IGSF23: variants seen among roughly 807,000 people sequenced by gnomAD.
IGSF23 encodes immunoglobulin superfamily member 23, also known as immunoglobulin superfamily, member 23.
A neutral mutation model predicts 17.8 loss-of-function variants in IGSF23; 14 were observed. That is an observed-to-expected ratio of 0.79 (90% CI 0.52 to 1.23). The LOEUF is 1.23. IGSF23 is among the 50% of genes most tolerant of loss of function. IGSF23 has a pLI of 0.00. For missense variants in IGSF23, 214 were observed against 241.7 expected (o/e 0.89, Z 0.76); for synonymous variants, 85 against 92.5 (o/e 0.92, Z 0.46).
chr19:44,626,126 G>A (rs1281807576), intron 2 of IGSF23, among the ~76,000 whole-genome samples: 1 of 152,094 alleles, frequency 6.6e-6, no homozygotes, highest in African/African-American at 2.4e-5. Flanking sequence ...GAGAAGAGAG[G>A]GAGGGTATTT....
At position 44,623,989 on chromosome 19, in the gene IGSF23, A is replaced by ACG; in HGVS notation, c.391+18_391+19insGC. 2 of 1,512,332 alleles carry ACG rather than the reference A, an allele frequency of 1.3e-6. No individual in the cohort carries two copies. Among genetic ancestry groups the ACG allele is most frequent in the Non-Finnish European group, 1.8e-6 (2 of 1,130,336 alleles). The allele number at this position is 1,512,332 out of a possible 1,614,324, so 93.7% of individuals were successfully genotyped here. On this transcript the variant is annotated intron_variant, in intron 2 of 4. Coordinates refer to ENST00000402988, the MANE Select transcript of IGSF23 (RefSeq NM_001205280.2). ...CGCTGCCAAGTGAGTCCCCCATTCC[A>ACG]CCCCACCCCACCCCACCCAAGAGCC...
intron 1 of IGSF23, 61 bp downstream of exon 1, chr19:44,613,831 G>T: frequency 6.5e-7 from 1 of 1,547,860 alleles, no homozygotes; most frequent in Non-Finnish European, 8.7e-7. Flanking sequence ...GGTCCTGCAG[G>T]GTGAGGCCGG....
intron 1 of IGSF23, chr19:44,613,976 A>C: frequency 6.5e-7 from 1 of 1,536,156 alleles, no homozygotes; most frequent in Admixed American, 2.0e-5. Context: ...TACCTGGAGG[A>C]AGCTGCTTTT....
At chr19:44,632,834 C>A (rs1395400249) in intron 3 of IGSF23, among the ~76,000 whole-genome samples, 1 of 152,206 alleles carries the variant, frequency 6.6e-6, no homozygotes, top group Non-Finnish European at 1.5e-5. Context: ...TATGGGCTGT[C>A]CCATAATCCC....
chr19:44,635,370 CT>C, intron 3 of IGSF23, 30 bp from the exon 4 acceptor site: 1 of 898,594 alleles, frequency 1.1e-6, no homozygotes, highest in Non-Finnish European at 1.4e-6. Context: ...CTCTCTCTCT[CT>C]CTCTGTCTCT....
intron 3 of IGSF23, among the ~76,000 whole-genome samples, chr19:44,629,505 C>T (rs188980959): frequency 6.6e-5 from 10 of 151,902 alleles, no homozygotes; most frequent in African/African-American, 1.7e-4. Flanking sequence ...GAGGCTGCAG[C>T]GAGCGATGAT....
chr19:44,629,395 TA>T (rs1463869160), intron 3 of IGSF23, among the ~76,000 whole-genome samples: 10 of 150,374 alleles, frequency 6.7e-5, no homozygotes, highest in African/African-American at 2.4e-4. Context: ...CTACCAAAAC[TA>T]AAGTTTTTTT....
chr19:44,617,622 C>T (rs1972413351), intron 1 of IGSF23, among the ~76,000 whole-genome samples: 1 of 151,992 alleles, frequency 6.6e-6, no homozygotes, highest in Admixed American at 6.6e-5. Context: ...ATTATGTCAC[C>T]CTTTAAAAAT....
chr19:44,614,139 G>GGCCACTCC, intron 1 of IGSF23: 1 of 497,332 alleles, frequency 2.0e-6, no homozygotes, highest in Non-Finnish European at 3.6e-6. Context: ...AACTCTTGAA[G>GGCCACTCC]GCCACTCCGC....
At chr19:44,621,055 G>C (rs1972507317) in intron 1 of IGSF23, among the ~76,000 whole-genome samples, 1 of 152,116 alleles carries the variant, frequency 6.6e-6, no homozygotes, top group Non-Finnish European at 1.5e-5. Context: ...GCCGAGGTGA[G>C]AGGATTGCTT....
At chr19:44,633,048 A>C (rs1599745198) in intron 3 of IGSF23, among the ~76,000 whole-genome samples, 2 of 152,222 alleles carry the variant, frequency 1.3e-5, no homozygotes, top group Admixed American at 1.3e-4. Flanking sequence ...GGAAAACTTT[A>C]CCTTTCAAGC....
At chr19:44,622,091 G>A (rs1002059530) in intron 1 of IGSF23, among the ~76,000 whole-genome samples, 2 of 151,994 alleles carry the variant, frequency 1.3e-5, no homozygotes, top group African/African-American at 2.4e-5. Flanking sequence ...ATGTGGTGGC[G>A]GGTGCCTATA....
At chr19:44,631,677 T>A (rs968054545) in intron 3 of IGSF23, among the ~76,000 whole-genome samples, 1 of 152,228 alleles carries the variant, frequency 6.6e-6, no homozygotes. Flanking sequence ...TTTCTATAGA[T>A]TTTAGATTAA....
chr19:44,627,503 CT>C lies in IGSF23; in HGVS notation c.477del (p.Ala160ArgfsTer10). 2 of 1,550,532 alleles carry C rather than the reference CT, an allele frequency of 1.3e-6. No individual in the cohort carries two copies. ...SLSGGSAIGL[L>X]AAGILGAGAL... is the part of the protein sequence containing the mutation. ...GTCAGGAGGCTCTGCCATCGGGCTC[CT>C]TGCGGCTGGGATCCTGGGAGCCGGG... On this transcript the variant is annotated frameshift_variant, in exon 3 of 5. Coordinates refer to ENST00000402988, the MANE Select transcript of IGSF23 (RefSeq NM_001205280.2). LOFTEE classifies it high-confidence loss of function.
intron 1 of IGSF23, among the ~76,000 whole-genome samples, chr19:44,615,969 T>A (rs1167778486): frequency 6.6e-6 from 1 of 152,204 alleles, no homozygotes; most frequent in East Asian, 1.9e-4. Flanking sequence ...GCAACCAGTT[T>A]TTAGAAAGTG....
intron 3 of IGSF23, among the ~76,000 whole-genome samples, chr19:44,634,207 G>A (rs754667425): frequency 6.6e-6 from 1 of 152,174 alleles, no homozygotes; most frequent in Non-Finnish European, 1.5e-5. Context: ...TTTGGAATGG[G>A]GCCCAGGACA....
rs772216333 is a variant in IGSF23 at position 44,623,880 on chromosome 19, G to A, written c.299G>A (p.Arg100Gln). Residue 100 changes from arginine (R) to glutamine (Q), a missense_variant, in exon 2 of 5, where the codon CGG becomes CAG. Arg to Gln is a conservative substitution (Grantham distance 43). Transcript: ENST00000402988. ...CGMGEKLFIR[R>Q]LSCEQLGTYM... is the part of the protein sequence containing the mutation. ...ATGGGAGAGAAGCTGTTCATCCGAC[G>A]GTTGTCCTGTGAGCAGCTGGGCACC... is the stretch of plus-strand genomic sequence containing the variant. 3.1e-5 allele frequency: 48 copies of A among 1,550,828 alleles called. No homozygotes were observed. Among genetic ancestry groups the A allele is most frequent in the Middle Eastern group, 1.7e-4 (1 of 5,994 alleles).
In IGSF23 at chr19:44,635,360, CTCTCTCTCTCTCTCTG is replaced by C. The variant is rs770118069; in HGVS notation, c.546-25_546-10del. 52 of 1,425,486 alleles carry C rather than the reference CTCTCTCTCTCTCTCTG, an allele frequency of 3.6e-5. No homozygotes were observed. The Middle Eastern group carries it at 8.8e-4, about 24-fold the overall frequency. The allele number at this position is 1,425,486 out of a possible 1,614,324, so 88.3% of individuals were successfully genotyped here. On this transcript the variant is annotated intron_variant, in intron 3 of 4. Coordinates refer to ENST00000402988, the MANE Select transcript of IGSF23 (RefSeq NM_001205280.2). ...TCGATGATTCTTATTCTCTCTCTCT[CTCTCTCTCTCTCTCTG>C]TCTCTCTCTCTCTCTCCACTGCAGG...
intron 1 of IGSF23, among the ~76,000 whole-genome samples, chr19:44,620,146 G>A (rs1202684273): frequency 1.3e-5 from 2 of 151,936 alleles, no homozygotes; most frequent in Non-Finnish European, 2.9e-5. Context: ...GCAGGCGCCT[G>A]TAATCCTAGC....
Sources: gnomAD v4.1 joint callset for allele counts (sites outside exome capture counted in the v4.1 genomes callset) on GRCh38, gnomAD v4.1.1 for gene constraint, MANE v1.5 for transcripts, NCBI Gene and HGNC (gene_info 2026-07-23, HGNC 2026-07-21) for gene names.